Variants in AKAP6 observed in about 807,000 individuals in gnomAD.
The protein encoded by AKAP6 is A-kinase anchor protein 6.
Under a neutral mutation model 188.5 loss-of-function variants are expected in AKAP6, and 58 were observed. The observed-to-expected ratio is 0.31, with a 90% confidence interval of 0.25 to 0.38. The LOEUF (loss-of-function observed/expected upper bound fraction) is 0.38, where lower values mean the gene tolerates loss of function less well. AKAP6 is among the 10% of genes least tolerant of loss of function. The pLI is 1.00. For synonymous variants in AKAP6, 989 were observed against 998.6 expected (o/e 0.99, Z 0.18); for missense variants, 2,710 against 2,740.0 (o/e 0.99, Z 0.24).
rs117267922 is a variant in AKAP6, at chr14:32,830,031, C to T, written c.*226C>T. The T allele has an allele frequency of 3.1e-3, 2,139 of 694,972 alleles. 6 individuals are homozygous for T. The highest frequency in any genetic ancestry group is 4.4e-3 in the Non-Finnish European group (1,671 of 380,574). 43.1% of individuals were successfully genotyped at this position (694,972 alleles called of 1,614,324 possible). A position where few individuals can be genotyped will look rare whatever the true frequency, so the allele number is the denominator to read the frequency against. On this transcript the variant is annotated 3_prime_UTR_variant, in exon 14 of 14. Transcript: ENST00000280979. ...TGTGCGCTGGTTCTCTTTAGGTGAT[C>T]GTCTTTGAAGTTCAGCAAAGCTGCT... is the stretch of plus-strand genomic sequence containing the variant.
intron 4 of AKAP6, among the ~76,000 whole-genome samples, chr14:32,569,755 G>A (rs965690440): frequency 6.6e-6 from 1 of 152,018 alleles, no homozygotes; most frequent in African/African-American, 2.4e-5. Flanking sequence ...TTCTAAAAAA[G>A]GTTCTAATTT....
intron 2 of AKAP6, among the ~76,000 whole-genome samples, chr14:32,482,715 T>C (rs919457961): frequency 1.1e-4 from 17 of 152,216 alleles, no homozygotes; most frequent in African/African-American, 3.1e-4. Context: ...ATATATCTTC[T>C]ACATAAATGT....
chr14:32,387,793 T>G (rs10147701), intron 1 of AKAP6, among the ~76,000 whole-genome samples: 103,712 of 150,010 alleles, frequency 0.69, 37,135 homozygotes, highest in Non-Finnish European at 0.77. Context: ...GGGCTATTGG[T>G]CTGTAGTTTT....
chr14:32,494,915 G>T (rs1486769548), intron 2 of AKAP6, among the ~76,000 whole-genome samples: 1 of 152,142 alleles, frequency 6.6e-6, no homozygotes, highest in Admixed American at 6.5e-5. Flanking sequence ...ACTGCACACA[G>T]ATTGTAAGCT....
chr14:32,480,042 A>G (rs1177134888), intron 2 of AKAP6, among the ~76,000 whole-genome samples: 1 of 152,132 alleles, frequency 6.6e-6, no homozygotes, highest in Non-Finnish European at 1.5e-5. Flanking sequence ...TTGAGTTGTG[A>G]GAGGAGAAAA....
At chr14:32,395,989 A>T (rs1183836521) in intron 1 of AKAP6, among the ~76,000 whole-genome samples, 1 of 152,166 alleles carries the variant, frequency 6.6e-6, no homozygotes, top group African/African-American at 2.4e-5. Context: ...AATCTATGGA[A>T]ATAGTTCTAG....
chr14:32,601,761 T>A (rs990074693), intron 7 of AKAP6, among the ~76,000 whole-genome samples: 4 of 152,234 alleles, frequency 2.6e-5, no homozygotes, highest in Admixed American at 6.5e-5. Flanking sequence ...TTGTGCTAAA[T>A]GTATACACAG....
intron 2 of AKAP6, among the ~76,000 whole-genome samples, chr14:32,459,384 A>T (rs1891248780): frequency 6.6e-6 from 1 of 152,198 alleles, no homozygotes; most frequent in Non-Finnish European, 1.5e-5. Flanking sequence ...ACTACAATTC[A>T]GTAAAAAAAT....
At chr14:32,806,772 A>C (rs1420820091) in intron 12 of AKAP6, among the ~76,000 whole-genome samples, 2 of 152,252 alleles carry the variant, frequency 1.3e-5, no homozygotes, top group Non-Finnish European at 2.9e-5. Context: ...CAAGAATCAA[A>C]TAAGCTGGAA....
chr14:32,540,168 C>CTCTCTCTCTCTATATATATATATATA (rs1240063339), intron 3 of AKAP6, among the ~76,000 whole-genome samples: 2 of 60,956 alleles, frequency 3.3e-5, no homozygotes, highest in African/African-American at 2.0e-4. Context: ...CTCTCTCTCT[C>CTCTCTCTCTCTATATATATATATATA]TATATATATA....
At chr14:32,735,435 C>A (rs2031368044) in intron 10 of AKAP6, among the ~76,000 whole-genome samples, 1 of 152,090 alleles carries the variant, frequency 6.6e-6, no homozygotes, top group Admixed American at 6.6e-5. Context: ...GAACAACTTG[C>A]ACTGAGAATT....
chr14:32,405,705 G>GTGAA (rs1004995021), intron 1 of AKAP6, among the ~76,000 whole-genome samples: 1 of 151,476 alleles, frequency 6.6e-6, no homozygotes, highest in Non-Finnish European at 1.5e-5. Context: ...GTGATAGTGA[G>GTGAA]TTCTCATGAG....
At chr14:32,589,771 A>T (rs1443483677) in intron 5 of AKAP6, among the ~76,000 whole-genome samples, 1 of 152,182 alleles carries the variant, frequency 6.6e-6, no homozygotes, top group Non-Finnish European at 1.5e-5. Context: ...ATGCCGGGGA[A>T]ACACTGCATT....
Position 32,545,345 on chromosome 14 carries a change from G to A in AKAP6, c.692G>A (p.Ser231Asn). ...ACTGCATTCGAACTGTCTGACTACA[G>A]TCCAAGTGAGGATTTGCTCAGTGGG... ...GITAFELSDY[S>N]PSEDLLSGLG... The change falls in exon 4 of 14, where the codon AGT (serine) becomes AAT (asparagine). Residue 231 changes from serine to asparagine, a missense_variant. Around this residue, in one of 2 missense-constraint regions of AKAP6, gnomAD observed 237 missense variants for 313.9 expected, o/e 0.76. Coordinates refer to ENST00000280979, the MANE Select transcript of AKAP6 (RefSeq NM_004274.5). 1 of 1,614,168 alleles carries A rather than the reference G, an allele frequency of 6.2e-7. No individual in the cohort carries two copies. Among genetic ancestry groups the A allele is most frequent in the Non-Finnish European group, 8.5e-7 (1 of 1,179,994 alleles).
chr14:32,462,901 C>CAAAAA (rs71143943), intron 2 of AKAP6, among the ~76,000 whole-genome samples: 194 of 8,786 alleles, frequency 0.022, 3 homozygotes, highest in African/African-American at 0.047. Flanking sequence ...AAATGGAAAG[C>CAAAAA]AAAAAAAAAA....
intron 1 of AKAP6, among the ~76,000 whole-genome samples, chr14:32,339,801 A>G (rs1886833605): frequency 6.6e-6 from 1 of 152,190 alleles, no homozygotes; most frequent in African/African-American, 2.4e-5. Context: ...TTCATGAAGA[A>G]CATACAGCTT....
intron 4 of AKAP6, among the ~76,000 whole-genome samples, chr14:32,559,397 G>T (rs1194763075): frequency 6.6e-6 from 1 of 152,170 alleles, no homozygotes; most frequent in Non-Finnish European, 1.5e-5. Context: ...AGAAATCTGG[G>T]TTTTATGTGA....
intron 7 of AKAP6, among the ~76,000 whole-genome samples, chr14:32,630,265 G>A (rs1223120841): frequency 6.6e-6 from 1 of 151,928 alleles, no homozygotes; most frequent in Non-Finnish European, 1.5e-5. Context: ...CTTTAAATTG[G>A]AATTAGAAAT....
chr14:32,351,572 A>C (rs941335762), intron 1 of AKAP6, among the ~76,000 whole-genome samples: 2 of 150,148 alleles, frequency 1.3e-5, no homozygotes, highest in African/African-American at 2.5e-5. Flanking sequence ...CAAAAAAAAA[A>C]AAAACAAAAA....
Sources: allele counts gnomAD v4.1 joint callset (sites outside exome capture counted in the v4.1 genomes callset), GRCh38; gene constraint gnomAD v4.1.1; regional missense constraint gnomAD v4.1.1; transcripts MANE v1.5; gene names NCBI Gene and HGNC (gene_info 2026-07-23, HGNC 2026-07-21).